OPCML: variants seen among roughly 807,000 people sequenced by gnomAD.
The protein encoded by OPCML is opioid-binding protein/cell adhesion molecule.
OPCML carries 13 observed loss-of-function variants against 37.8 expected under a neutral mutation model. The observed-to-expected ratio is 0.34, with a 90% confidence interval of 0.22 to 0.55. The LOEUF (loss-of-function observed/expected upper bound fraction) is 0.55. OPCML is among the 20% of genes least tolerant of loss of function. The probability of loss-of-function intolerance (pLI) is 0.91; values close to 1 mark genes in which losing one functional copy is unlikely to be tolerated. For synonymous variants in OPCML, 176 were observed against 168.8 expected (o/e 1.04, Z -0.33); for missense variants, 341 against 435.6 (o/e 0.78, Z 1.93).
At chr11:132,557,553 A>C (rs568876266) in intron 3 of OPCML, among the ~76,000 whole-genome samples, 1 of 152,242 alleles carries the variant, frequency 6.6e-6, no homozygotes, top group East Asian at 1.9e-4. Context: ...GCCTATTTGA[A>C]TCCCGTCCTT....
intron 1 of OPCML, among the ~76,000 whole-genome samples, chr11:133,146,566 G>C (rs984251870): frequency 6.6e-6 from 1 of 152,082 alleles, no homozygotes; most frequent in Non-Finnish European, 1.5e-5. Flanking sequence ...GCCCGCCTCG[G>C]CCTCCCAAAG....
chr11:132,881,860 C>T (rs1011236462), intron 2 of OPCML, among the ~76,000 whole-genome samples: 1 of 152,198 alleles, frequency 6.6e-6, no homozygotes, highest in Admixed American at 6.5e-5. Context: ...TACCACATTT[C>T]CCCCTTCTCC....
intron 2 of OPCML, among the ~76,000 whole-genome samples, chr11:132,665,208 G>A (rs1471734929): frequency 6.6e-6 from 1 of 152,168 alleles, no homozygotes; most frequent in Non-Finnish European, 1.5e-5. Context: ...ACACAACCAA[G>A]GGAGGTTGCA....
intron 1 of OPCML, among the ~76,000 whole-genome samples, chr11:133,281,722 A>C (rs1942163795): frequency 6.6e-6 from 1 of 152,054 alleles, no homozygotes; most frequent in African/African-American, 2.4e-5. Context: ...AACTTCTTAG[A>C]GACTGGTTGA....
At chr11:132,770,237 T>G (rs567887246) in intron 2 of OPCML, among the ~76,000 whole-genome samples, 7 of 152,220 alleles carry the variant, frequency 4.6e-5, no homozygotes, top group Non-Finnish European at 1.0e-4. Flanking sequence ...CAGACACGAA[T>G]TCCTGCTCTC....
intron 3 of OPCML, among the ~76,000 whole-genome samples, chr11:132,640,217 G>C (rs1940768407): frequency 6.6e-6 from 1 of 152,152 alleles, no homozygotes; most frequent in Non-Finnish European, 1.5e-5. Context: ...CCACAACAAT[G>C]AGCACATCAT....
chr11:133,033,281 T>C (rs968919340), intron 1 of OPCML, among the ~76,000 whole-genome samples: 4 of 152,190 alleles, frequency 2.6e-5, no homozygotes, highest in Non-Finnish European at 5.9e-5. Context: ...ACAAAGTACT[T>C]TGGTTGTTCC....
intron 1 of OPCML, among the ~76,000 whole-genome samples, chr11:133,223,364 C>T (rs941978937): frequency 3.3e-5 from 5 of 152,198 alleles, no homozygotes; most frequent in African/African-American, 9.6e-5. Flanking sequence ...CTTTCTGGTC[C>T]CAATCAACTG....
rs1286784451 is a variant in OPCML at position 132,559,421 on chromosome 11, TA to T, written c.380-30236del. On this transcript the variant is annotated intron_variant, in intron 3 of 7. Transcript: ENST00000524381. ...ACAGGATACATTTATCAGAAGCTTTTAAGGAAGTGTTTAAGAGCAGCTAAGC... is the reference window on the plus strand; with the variant it reads ...ACAGGATACATTTATCAGAAGCTTTTAGGAAGTGTTTAAGAGCAGCTAAGC... Among the ~76,000 whole-genome samples, 3 of 152,166 alleles carry T rather than the reference TA, an allele frequency of 2.0e-5. No individual in the cohort carries two copies. The East Asian group carries it at 5.8e-4, about 29-fold the overall frequency.
At chr11:132,602,359 T>C (rs1362843518) in intron 3 of OPCML, among the ~76,000 whole-genome samples, 1 of 152,234 alleles carries the variant, frequency 6.6e-6, no homozygotes, top group Non-Finnish European at 1.5e-5. Flanking sequence ...AACCTATAGA[T>C]TGTTATACTG....
At chr11:133,123,218 G>A (rs1339726764) in intron 1 of OPCML, among the ~76,000 whole-genome samples, 1 of 152,068 alleles carries the variant, frequency 6.6e-6, no homozygotes, top group African/African-American at 2.4e-5. Flanking sequence ...ATATGGTTTG[G>A]GATCAGCCAG....
chr11:133,081,343 G>T (rs1948713974), intron 1 of OPCML, among the ~76,000 whole-genome samples: 1 of 152,142 alleles, frequency 6.6e-6, no homozygotes, highest in Non-Finnish European at 1.5e-5. Context: ...TCATTTAAGT[G>T]AACGCCTCCT....
intron 1 of OPCML, chr11:133,006,253 TG>T (rs1007623917): frequency 3.7e-6 from 2 of 536,820 alleles, no homozygotes; most frequent in Admixed American, 1.3e-4. Flanking sequence ...AAGCTGCCAG[TG>T]GGAAGTGTTC....
At chr11:133,468,414 C>T (rs1947024736) in intron 1 of OPCML, among the ~76,000 whole-genome samples, 1 of 152,204 alleles carries the variant, frequency 6.6e-6, no homozygotes, top group African/African-American at 2.4e-5. Context: ...ACACTCAGAC[C>T]TTCCTGGAAT....
At chr11:132,735,353 G>C (rs1289132445) in intron 2 of OPCML, among the ~76,000 whole-genome samples, 1 of 152,128 alleles carries the variant, frequency 6.6e-6, no homozygotes, top group African/African-American at 2.4e-5. Flanking sequence ...AAGTTTAAAA[G>C]TTTGTCTAAG....
At chr11:133,291,521 G>A (rs1294603607) in intron 1 of OPCML, among the ~76,000 whole-genome samples, 1 of 152,180 alleles carries the variant, frequency 6.6e-6, no homozygotes, top group Non-Finnish European at 1.5e-5. Context: ...GGTATCTACC[G>A]TCCTCCTAGA....
At chr11:132,841,568 AC>A (rs1192355658) in intron 2 of OPCML, among the ~76,000 whole-genome samples, 1 of 152,158 alleles carries the variant, frequency 6.6e-6, no homozygotes, top group Non-Finnish European at 1.5e-5. Flanking sequence ...GATAGGCAAC[AC>A]CCATGTTAAC....
intron 4 of OPCML, among the ~76,000 whole-genome samples, chr11:132,454,507 C>A (rs575926142): frequency 5.3e-5 from 8 of 152,188 alleles, no homozygotes; most frequent in Non-Finnish European, 8.8e-5. Context: ...CCCTCTACTG[C>A]GGAGATGCTC....
intron 1 of OPCML, among the ~76,000 whole-genome samples, chr11:133,015,974 A>AT (rs2136888538): frequency 6.6e-6 from 1 of 152,298 alleles, no homozygotes; most frequent in African/African-American, 2.4e-5. Context: ...ACCCTTTTCC[A>AT]TATCCAAGGC....
Sources: gnomAD v4.1 joint callset for allele counts (sites outside exome capture counted in the v4.1 genomes callset) on GRCh38, gnomAD v4.1.1 for gene constraint, MANE v1.5 for transcripts, NCBI Gene and HGNC (gene_info 2026-07-23, HGNC 2026-07-21) for gene names.